PCAT7: variants seen among roughly 807,000 people sequenced by gnomAD.
The protein encoded by PCAT7 is prostate cancer associated transcript 7.
intron 1 of PCAT7, among the ~76,000 whole-genome samples, chr9:94,556,150 A>T (rs539614707): frequency 6.6e-5 from 10 of 151,130 alleles, no homozygotes; most frequent in African/African-American, 2.4e-4. Context: ...TTGGGTAGAT[A>T]AAGGGGGAAA....
At chr9:94,572,161 G>C (rs563334395) in intron 2 of PCAT7, among the ~76,000 whole-genome samples, 1 of 152,012 alleles carries the variant, frequency 6.6e-6, no homozygotes, top group Non-Finnish European at 1.5e-5. Flanking sequence ...CTCTCTTCCC[G>C]GCAGCACCTC....
At chr9:94,559,083 G>A (rs144554592) in exon 2 of PCAT7, 2 of 1,613,894 alleles carry the variant, frequency 1.2e-6, no homozygotes, top group African/African-American at 1.3e-5. Context: ...CAAGCCTCCT[G>A]CCTGCTCAAT....
intron 2 of PCAT7, among the ~76,000 whole-genome samples, chr9:94,566,784 G>A (rs1372167887): frequency 6.6e-6 from 1 of 152,210 alleles, no homozygotes; most frequent in South Asian, 2.1e-4. Context: ...TAAAGGGTTG[G>A]TATGAAGCCT....
At chr9:94,571,328 A>C in intron 2 of PCAT7, 1 of 943,320 alleles carries the variant, frequency 1.1e-6, no homozygotes, top group Non-Finnish European at 1.5e-6. Flanking sequence ...TGGCTCCCCA[A>C]ACTAGGCTCT....
At chr9:94,567,449 A>G (rs767640645) in intron 2 of PCAT7, 1 of 1,571,552 alleles carries the variant, frequency 6.4e-7, no homozygotes, top group African/African-American at 1.7e-5. Context: ...GAGAGAAGCC[A>G]GGAAACAAGC....
At chr9:94,562,927 TTGTA>T in intron 2 of PCAT7, among the ~76,000 whole-genome samples, 1 of 152,326 alleles carries the variant, frequency 6.6e-6, no homozygotes, top group South Asian at 2.1e-4. Context: ...AACGTGTAAT[TTGTA>T]TGTAATGTGT....
intron 1 of PCAT7, chr9:94,558,661 A>G (rs998326633): frequency 1.6e-5 from 6 of 380,364 alleles, no homozygotes; most frequent in Non-Finnish European, 2.4e-5. Flanking sequence ...GTGGGTTGAC[A>G]GACGGAATTA....
chr9:94,556,193 T>G lies in PCAT7; in HGVS notation n.257+883T>G, dbSNP rs115131106. 7.8e-3 allele frequency among the ~76,000 whole-genome samples: 1,152 copies of G among 148,118 alleles called. 15 individuals carry two copies. Among genetic ancestry groups the G allele is most frequent in the African/African-American group, 0.028 (1,102 of 39,832 alleles). On this transcript the variant is annotated intron_variant and non_coding_transcript_variant, in intron 1 of 8. Transcript: ENST00000647389. ...GGTGAGCAGCAGTAGGGAAAAGGCT[T>G]TGGGAAAAGACGGGGGAAAATGTTT...
intron 2 of PCAT7, chr9:94,570,606 A>G (rs1421535305): frequency 6.6e-6 from 1 of 152,228 alleles, no homozygotes; most frequent in Non-Finnish European, 1.5e-5. Context: ...CAAGCCATAG[A>G]ATTTCTCAGG....
rs770942662 is a variant in PCAT7 at position 94,559,171 on chromosome 9, T to G, written n.441+19T>G. 3 of 1,574,662 alleles carry G rather than the reference T, an allele frequency of 1.9e-6. No homozygotes were observed. In the South Asian group the frequency reaches 3.4e-5, roughly 18 times the overall value. On this transcript the variant is annotated intron_variant and non_coding_transcript_variant, in intron 2 of 8. Coordinates refer to ENST00000647389, the Ensembl canonical transcript of PCAT7. ...GAGGCAGGTGAGTAAACTCTGCAAG[T>G]GGCCAAATGTCCCGAGCCATGCCCC...
At chr9:94,567,125 AAGGC>A (rs1371885834) in intron 2 of PCAT7, 1 of 709,790 alleles carries the variant, frequency 1.4e-6, no homozygotes, top group East Asian at 2.6e-5. Flanking sequence ...CTTATGAAGA[AAGGC>A]AGAGTCCATC....
chr9:94,566,051 A>G (rs12684837), intron 2 of PCAT7, among the ~76,000 whole-genome samples: 12,842 of 152,314 alleles, frequency 0.084, 1,035 homozygotes, highest in African/African-American at 0.2. Context: ...TCTCCACCAC[A>G]TGAATGCTCC....
intron 2 of PCAT7, chr9:94,570,527 A>C (rs1827257034): frequency 6.6e-6 from 1 of 152,256 alleles, no homozygotes; most frequent in African/African-American, 2.4e-5. Context: ...ACGAAGAATT[A>C]TCTAACTCTT....
chr9:94,563,737 G>C (rs200662442), intron 2 of PCAT7, among the ~76,000 whole-genome samples: 11 of 148,564 alleles, frequency 7.4e-5, no homozygotes, highest in East Asian at 3.9e-4. Flanking sequence ...AACAAACAAA[G>C]AAAAAGGAAG....
intron 2 of PCAT7, chr9:94,571,673 G>T: frequency 7.3e-7 from 1 of 1,368,904 alleles, no homozygotes; most frequent in Non-Finnish European, 9.9e-7. Flanking sequence ...AGGGGCCTGG[G>T]CTTCAGATCT....
chr9:94,562,060 C>T (rs1238978191), intron 2 of PCAT7, among the ~76,000 whole-genome samples: 2 of 152,026 alleles, frequency 1.3e-5, no homozygotes, highest in African/African-American at 2.4e-5. Flanking sequence ...ACCTGTAATC[C>T]CAGCACTTTG....
At chr9:94,571,576 C>G in intron 2 of PCAT7, 3 of 1,613,626 alleles carry the variant, frequency 1.9e-6, no homozygotes, top group Admixed American at 1.7e-5. Context: ...GCAGGGCATC[C>G]TTTTCAGAAG....
intron 1 of PCAT7, among the ~76,000 whole-genome samples, chr9:94,555,893 G>A (rs1446816961): frequency 6.6e-6 from 1 of 150,516 alleles, no homozygotes; most frequent in East Asian, 2.0e-4. Context: ...AATAGTTTGG[G>A]GTAGATGGAA....
At chr9:94,565,155 C>G (rs1178942172) in intron 2 of PCAT7, among the ~76,000 whole-genome samples, 1 of 152,126 alleles carries the variant, frequency 6.6e-6, no homozygotes, top group African/African-American at 2.4e-5. Flanking sequence ...AGGTGGATCA[C>G]CTGTGGTCAG....
Sources: allele counts gnomAD v4.1 joint callset (sites outside exome capture counted in the v4.1 genomes callset), GRCh38; gene constraint gnomAD v4.1.1; transcripts MANE v1.5; gene names NCBI Gene and HGNC (gene_info 2026-07-23, HGNC 2026-07-21).